The following CTSS variants were observed in gnomAD, a reference collection of about 807,000 sequenced individuals.
CTSS encodes the protein cathepsin S.
Under a neutral mutation model 39.9 loss-of-function variants are expected in CTSS, and 15 were observed. The observed-to-expected ratio is 0.38, with a 90% CI of 0.25 to 0.58. The LOEUF (loss-of-function observed/expected upper bound fraction) is 0.58, where lower values mean the gene tolerates loss of function less well. Among genes scored for constraint, CTSS ranks in the 20% least tolerant of loss-of-function variants. CTSS has a pLI of 0.70. For missense variants in CTSS, 250 were observed against 398.2 expected (o/e 0.63, Z 3.17); for synonymous variants, 126 against 138.2 (o/e 0.91, Z 0.62).
intron 2 of CTSS, among the ~76,000 whole-genome samples, chr1:150,761,202 GAAGA>G (rs895068726): frequency 1.7e-4 from 25 of 144,386 alleles, no homozygotes; most frequent in African/African-American, 5.8e-4. Flanking sequence ...AAAAAAGAGA[GAAGA>G]AAGACTCCAT....
chr1:150,748,057 C>T, intron 6 of CTSS, 178 bp from the exon 7 acceptor site: 2 of 505,212 alleles, frequency 4.0e-6, no homozygotes, highest in Non-Finnish European at 3.5e-6. Flanking sequence ...TTTGGGAGGC[C>T]AAGGCGGGCG....
At chr1:150,749,934 G>T in intron 6 of CTSS, 72 bp downstream of exon 6, 1 of 1,336,600 alleles carries the variant, frequency 7.5e-7, no homozygotes, top group Non-Finnish European at 1.0e-6. Context: ...TTACAGGCAT[G>T]AACCACCGTG....
chr1:150,734,076 T>C (rs1652580383), intron 7 of CTSS, among the ~76,000 whole-genome samples: 1 of 151,800 alleles, frequency 6.6e-6, no homozygotes, highest in Admixed American at 6.6e-5. Context: ...TTGCCCAGAC[T>C]GGAGTGCAAT....
At chr1:150,761,178 C>CAAAAAA (rs33945837) in intron 2 of CTSS, among the ~76,000 whole-genome samples, 1 of 102,530 alleles carries the variant, frequency 9.8e-6, no homozygotes, top group Non-Finnish European at 2.0e-5. Flanking sequence ...GAATCCGCCT[C>CAAAAAA]AAAAAAAAAA....
intron 3 of CTSS, among the ~76,000 whole-genome samples, chr1:150,755,711 G>A (rs1653109683): frequency 6.6e-6 from 1 of 151,818 alleles, no homozygotes; most frequent in African/African-American, 2.4e-5. Context: ...GTGCACTCCA[G>A]CCTGGGCGAC....
chr1:150,762,978 C>G (rs973113891), intron 2 of CTSS, among the ~76,000 whole-genome samples: 11 of 152,006 alleles, frequency 7.2e-5, no homozygotes, highest in Non-Finnish European at 1.5e-4. Flanking sequence ...CTTCCATGTT[C>G]ATTGTAGCAT....
chr1:150,746,591 G>T (rs961362136), intron 7 of CTSS, among the ~76,000 whole-genome samples: 1 of 152,106 alleles, frequency 6.6e-6, no homozygotes, highest in African/African-American at 2.4e-5. Flanking sequence ...ATAGAAAAAA[G>T]ACATGTTCCT....
intron 7 of CTSS, among the ~76,000 whole-genome samples, chr1:150,739,071 G>C (rs1315102031): frequency 6.6e-6 from 1 of 152,124 alleles, no homozygotes; most frequent in East Asian, 1.9e-4. Flanking sequence ...GTGCGTGCCT[G>C]TAATCCCAGT....
intron 2 of CTSS, among the ~76,000 whole-genome samples, chr1:150,758,940 T>C: frequency 6.6e-6 from 1 of 151,460 alleles, no homozygotes; most frequent in South Asian, 2.1e-4. Context: ...CCTCAAACTC[T>C]TGGGCTCAAA....
chr1:150,757,614 A>C (rs981485741), intron 3 of CTSS, among the ~76,000 whole-genome samples: 2 of 152,162 alleles, frequency 1.3e-5, no homozygotes, highest in African/African-American at 2.4e-5. Flanking sequence ...AAAAAAAACA[A>C]TGGTAGTCTC....
chr1:150,756,058 CTTT>C (rs1054309386), intron 3 of CTSS, among the ~76,000 whole-genome samples: 22 of 152,062 alleles, frequency 1.4e-4, no homozygotes, highest in Non-Finnish European at 2.5e-4. Context: ...ATATTTTCTT[CTTT>C]ATCACCTTCT....
intron 5 of CTSS, among the ~76,000 whole-genome samples, chr1:150,750,459 A>G (rs1652985939): frequency 1.3e-5 from 2 of 152,168 alleles, no homozygotes; most frequent in African/African-American, 4.8e-5. Flanking sequence ...GAAATATTAC[A>G]TAGAGATAAT....
chr1:150,739,080 G>A (rs1652692855), intron 7 of CTSS, among the ~76,000 whole-genome samples: 1 of 152,136 alleles, frequency 6.6e-6, no homozygotes, highest in African/African-American at 2.4e-5. Flanking sequence ...TGTAATCCCA[G>A]TTACTCCGGA....
At chr1:150,764,851 A>G in intron 1 of CTSS, 87 bp from the exon 2 acceptor site, 1 of 1,451,828 alleles carries the variant, frequency 6.9e-7, no homozygotes, top group South Asian at 1.2e-5. Flanking sequence ...ATAACAATGC[A>G]AAGTCTATCA....
At chr1:150,756,937 A>G (rs957187687) in intron 3 of CTSS, among the ~76,000 whole-genome samples, 3 of 151,868 alleles carry the variant, frequency 2.0e-5, no homozygotes, top group African/African-American at 7.3e-5. Flanking sequence ...GCTAGTCTCA[A>G]ACTCCCGACC....
intron 7 of CTSS, among the ~76,000 whole-genome samples, chr1:150,744,767 A>G (rs587639576): frequency 5.4e-5 from 8 of 149,514 alleles, no homozygotes; most frequent in Non-Finnish European, 8.9e-5. Flanking sequence ...TTAGGACAGG[A>G]TGGTTTCTTA....
Position 150,751,859 on chromosome 1 carries a change from G to A in CTSS, c.549C>T (p.Gly183=). ...EKYGNKGCNG[G]FMTTAFQYII... is the part of the protein sequence containing the mutation. ...TGTACTGGAAAGCCGTTGTCATGAA[G>A]CCACCATTGCAGCCTTTGTTTCCAT... is the stretch of plus-strand genomic sequence containing the variant. Residue 183 remains glycine (G), a synonymous_variant, in exon 5 of 8, where the codon GGC becomes GGT. Transcript: ENST00000368985. 2.5e-6 allele frequency: 4 copies of A among 1,614,202 alleles called. No individual in the cohort carries two copies. The highest frequency in any genetic ancestry group is 2.2e-5 in the East Asian group (1 of 44,882).
At chr1:150,743,619 TATATTATGTATACATAATATATTATA>T (rs1652820725) in intron 7 of CTSS, among the ~76,000 whole-genome samples, 1 of 79,306 alleles carries the variant, frequency 1.3e-5, no homozygotes, top group Non-Finnish European at 2.9e-5. Context: ...ATTATATATG[TATATTATGTATACATAATATATTATA>T]TATGTATATT....
chr1:150,746,486 C>T (rs778610742), intron 7 of CTSS, among the ~76,000 whole-genome samples: 3 of 152,092 alleles, frequency 2.0e-5, no homozygotes, highest in Non-Finnish European at 2.9e-5. Context: ...CCCAAAGGCA[C>T]GTACAGAACA....
Sources: gnomAD v4.1 joint callset for allele counts (sites outside exome capture counted in the v4.1 genomes callset) on GRCh38, gnomAD v4.1.1 for gene constraint, MANE v1.5 for transcripts, NCBI Gene and HGNC (gene_info 2026-07-23, HGNC 2026-07-21) for gene names.